OCA2: variants seen among roughly 807,000 people sequenced by gnomAD.
OCA2 encodes the protein P protein.
In OCA2, 77 loss-of-function variants were observed where a neutral mutation model predicts 100.2. The observed-to-expected ratio is 0.77, with a 90% confidence interval of 0.64 to 0.93. The LOEUF is 0.93. Ranked by LOEUF, OCA2 falls within the 40% of genes least tolerant of loss-of-function variation. OCA2 has a pLI of 0.00. For synonymous variants in OCA2, 432 were observed against 439.2 expected, an observed-to-expected ratio of 0.98 and a Z score of 0.21; for missense variants, 1,062 against 1,089.1, an observed-to-expected ratio of 0.98 and a Z score of 0.35.
chr15:27,977,450 T>A (rs989456209), intron 14 of OCA2, among the ~76,000 whole-genome samples: 1 of 152,152 alleles, frequency 6.6e-6, no homozygotes, highest in Non-Finnish European at 1.5e-5. Flanking sequence ...TTATGTGTTG[T>A]CTATGGCTGC....
At chr15:27,763,991 T>G (rs991462435) in intron 23 of OCA2, among the ~76,000 whole-genome samples, 1 of 151,422 alleles carries the variant, frequency 6.6e-6, no homozygotes, top group Non-Finnish European at 1.5e-5. Context: ...ACCCAGCCAC[T>G]GAGGGGTGGG....
At chr15:27,798,660 G>A (rs779055285) in intron 23 of OCA2, among the ~76,000 whole-genome samples, 1 of 151,776 alleles carries the variant, frequency 6.6e-6, no homozygotes, top group African/African-American at 2.4e-5. Flanking sequence ...AAAACTTTCT[G>A]TCATTAAACA....
At chr15:27,754,218 C>A (rs147614222), downstream of OCA2, among the ~76,000 whole-genome samples, 8 of 152,184 alleles carry the variant, frequency 5.3e-5, no homozygotes, top group Non-Finnish European at 8.8e-5. Flanking sequence ...TATAAACACT[C>A]CCAACCTTTC....
At chr15:27,882,626 G>C (rs2037065657) in intron 19 of OCA2, among the ~76,000 whole-genome samples, 2 of 152,092 alleles carry the variant, frequency 1.3e-5, no homozygotes, top group South Asian at 4.1e-4. Flanking sequence ...CTTTGGTACT[G>C]TCTCCTGGAT....
intron 1 of OCA2, among the ~76,000 whole-genome samples, chr15:28,088,857 A>C (rs936415593): frequency 5.3e-5 from 8 of 152,224 alleles, no homozygotes; most frequent in African/African-American, 1.9e-4. Context: ...GTCTTTGATG[A>C]CATCTTAATC....
chr15:28,010,182 G>A (rs773711381), intron 9 of OCA2, among the ~76,000 whole-genome samples: 11 of 151,910 alleles, frequency 7.2e-5, no homozygotes, highest in Non-Finnish European at 1.0e-4. Context: ...AAGAGAGAGA[G>A]AGAAGAAAAG....
At chr15:27,844,662 C>T (rs1475975808) in intron 23 of OCA2, among the ~76,000 whole-genome samples, 1 of 152,114 alleles carries the variant, frequency 6.6e-6, no homozygotes, top group African/African-American at 2.4e-5. Context: ...CCATGCCCAG[C>T]TAATTTTTTT....
At chr15:27,803,833 G>A (rs2033713718) in intron 23 of OCA2, among the ~76,000 whole-genome samples, 1 of 152,140 alleles carries the variant, frequency 6.6e-6, no homozygotes, top group Non-Finnish European at 1.5e-5. Context: ...AACACATGTT[G>A]ACAAAGACGT....
At chr15:27,835,854 C>T (rs1320702926) in intron 23 of OCA2, among the ~76,000 whole-genome samples, 2 of 152,208 alleles carry the variant, frequency 1.3e-5, no homozygotes, top group Non-Finnish European at 2.9e-5. Context: ...GCGTGCCTCT[C>T]CCAGTACTGA....
chr15:27,892,708 G>T (rs77786727), intron 19 of OCA2, among the ~76,000 whole-genome samples: 2,359 of 152,056 alleles, frequency 0.016, 53 homozygotes, highest in African/African-American at 0.05. Context: ...AAACAATAAA[G>T]ATCACAGAAG....
chr15:27,856,701 AACACAC>A (rs34330347), intron 21 of OCA2, among the ~76,000 whole-genome samples: 18,214 of 145,730 alleles, frequency 0.12, 2,239 homozygotes, highest in African/African-American at 0.32. Context: ...ACACACCCCT[AACACAC>A]ACACACACAC....
At chr15:27,944,420 G>A (rs2039761603) in intron 18 of OCA2, among the ~76,000 whole-genome samples, 2 of 152,196 alleles carry the variant, frequency 1.3e-5, no homozygotes, top group African/African-American at 4.8e-5. Flanking sequence ...ACCAGGCTAG[G>A]AGGATAGGAG....
chr15:27,799,603 G>A (rs376688823), intron 23 of OCA2, among the ~76,000 whole-genome samples: 27 of 152,130 alleles, frequency 1.8e-4, no homozygotes, highest in African/African-American at 6.0e-4. Context: ...AAATTAGCTG[G>A]GCGTGGTGGT....
At chr15:27,844,124 C>T (rs139504759) in intron 23 of OCA2, among the ~76,000 whole-genome samples, 95 of 152,324 alleles carry the variant, frequency 6.2e-4, no homozygotes, top group East Asian at 1.9e-3. Flanking sequence ...CACACACAGA[C>T]GTGTCAGCAG....
chr15:28,081,743 T>C lies in OCA2; in HGVS notation c.132A>G (p.Gly44=). ...GKRRLPRGAG[G]ADPSHSCPRG... ...TGGGGCAGGAGTGCGAGGGGTCAGC[T>C]CCACCGGCTCCCCGAGGAAGCCTGC... Residue 44 remains glycine (G), a synonymous_variant, in exon 2 of 24, where the codon GGA becomes GGG. Coordinates refer to ENST00000354638, the MANE Select transcript of OCA2 (RefSeq NM_000275.3). 1 of 1,613,446 alleles carries C rather than the reference T, an allele frequency of 6.2e-7. No individual in the cohort carries two copies. The highest frequency in any genetic ancestry group is 8.5e-7 in the Non-Finnish European group (1 of 1,179,904).
At chr15:27,974,953 T>C (rs926751836) in intron 14 of OCA2, among the ~76,000 whole-genome samples, 2 of 152,226 alleles carry the variant, frequency 1.3e-5, no homozygotes, top group African/African-American at 4.8e-5. Context: ...TCCTCACCTT[T>C]CTTTCCTACC....
At chr15:27,765,395 A>G (rs1475830938) in intron 23 of OCA2, among the ~76,000 whole-genome samples, 1 of 152,216 alleles carries the variant, frequency 6.6e-6, no homozygotes, top group Non-Finnish European at 1.5e-5. Context: ...GGCTTCCACA[A>G]ACAAGTTTAT....
intron 19 of OCA2, among the ~76,000 whole-genome samples, chr15:27,880,014 G>C (rs916061166): frequency 6.6e-6 from 1 of 152,126 alleles, no homozygotes; most frequent in Non-Finnish European, 1.5e-5. Context: ...AATCCATCTT[G>C]AGTTAATTTT....
At chr15:27,821,950 T>C (rs2034525009) in intron 23 of OCA2, among the ~76,000 whole-genome samples, 2 of 152,214 alleles carry the variant, frequency 1.3e-5, no homozygotes, top group African/African-American at 2.4e-5. Flanking sequence ...AACTTAACTC[T>C]CTGTTATAGC....
Sources: gnomAD v4.1 joint callset for allele counts (sites outside exome capture counted in the v4.1 genomes callset) on GRCh38, gnomAD v4.1.1 for gene constraint, MANE v1.5 for transcripts, NCBI Gene and HGNC (gene_info 2026-07-23, HGNC 2026-07-21) for gene names.